Variants in NRG2 observed in about 807,000 individuals in gnomAD.
NRG2 encodes the protein neuregulin 2, also known as pro-neuregulin-2, membrane-bound isoform.
Under a neutral mutation model 73.9 loss-of-function variants are expected in NRG2, and 27 were observed. That is an observed-to-expected ratio of 0.37 (90% confidence interval 0.27 to 0.50). NRG2 has a LOEUF of 0.50. Ranked by LOEUF, NRG2 falls within the 20% of genes least tolerant of loss-of-function variation. The probability of loss-of-function intolerance (pLI) is 0.96; values close to 1 mark genes in which losing one functional copy is unlikely to be tolerated. For missense variants in NRG2, 1,126 were observed against 1,210.1 expected (o/e 0.93, Z 1.03); for synonymous variants, 532 against 541.0 (o/e 0.98, Z 0.23).
intron 1 of NRG2, among the ~76,000 whole-genome samples, chr5:140,003,768 T>G (rs1758681549): frequency 6.6e-6 from 1 of 152,228 alleles, no homozygotes; most frequent in African/African-American, 2.4e-5. Context: ...CTGGATGCCA[T>G]CTGTAGTCTT....
intron 1 of NRG2, among the ~76,000 whole-genome samples, chr5:139,968,788 A>G (rs780140474): frequency 6.6e-6 from 1 of 152,252 alleles, no homozygotes; most frequent in Non-Finnish European, 1.5e-5. Context: ...TCACCCGCAC[A>G]GGGCAGCAGA....
Position 139,846,903 on chromosome 5 carries a change from A to T in NRG2, c.*1014T>A, listed in dbSNP as rs1761035878. ...TTTGGGATTTTTTTTTTTTTTAAACAATTACCTTTTTGACAAATTAGCAGT... is the reference window on the plus strand; with the variant it reads ...TTTGGGATTTTTTTTTTTTTTAAACTATTACCTTTTTGACAAATTAGCAGT... On this transcript the variant is annotated 3_prime_UTR_variant, in exon 10 of 10. Transcript: ENST00000361474. 1 of 151,556 alleles carries T rather than the reference A, an allele frequency of 6.6e-6. No individual in the cohort carries two copies. The highest frequency in any genetic ancestry group is 2.4e-5 in the African/African-American group (1 of 41,222). 9.4% of individuals were successfully genotyped at this position (151,556 alleles called of 1,614,324 possible).
At chr5:139,857,024 C>T (rs1362071707) in intron 5 of NRG2, among the ~76,000 whole-genome samples, 1 of 152,180 alleles carries the variant, frequency 6.6e-6, no homozygotes, top group Admixed American at 6.5e-5. Context: ...CTCCATCACT[C>T]CTCTGAGACT....
intron 1 of NRG2, among the ~76,000 whole-genome samples, chr5:139,975,731 ATAGT>A (rs756388392): frequency 2.6e-5 from 4 of 152,180 alleles, no homozygotes; most frequent in African/African-American, 4.8e-5. Context: ...AGTGAAGGAA[ATAGT>A]TGGTGAAGCT....
chr5:140,043,273 C>T lies in NRG2; in HGVS notation c.-204G>A. On this transcript the variant is annotated 5_prime_UTR_variant, in exon 1 of 10. Transcript: ENST00000361474. The surrounding 1 kb of genome is among the most constrained non-coding windows in gnomAD (Gnocchi z 6.7). ...GCGCGGCGCAGCGCAGCGCTCCCAC[C>T]CTGTGCGCCAGGACCTGGAGGAGGA... The T allele has an allele frequency of 1.7e-6, 1 of 573,278 alleles. No homozygotes were observed. 35.5% of individuals were successfully genotyped at this position (573,278 alleles called of 1,614,324 possible).
Position 139,869,965 on chromosome 5 carries a change from C to G in NRG2, c.1112+1756G>C, listed in dbSNP as rs145039701. ...GGGGCCAGAACCTTCCCTGCCCGGACGAGGGCTGACTTCAGTGACAGTGCT... is the reference window on the plus strand; with the variant it reads ...GGGGCCAGAACCTTCCCTGCCCGGAGGAGGGCTGACTTCAGTGACAGTGCT... On this transcript the variant is annotated intron_variant, in intron 4 of 9. Coordinates refer to ENST00000361474, the MANE Select transcript of NRG2 (RefSeq NM_004883.3). The surrounding 1 kb of genome is among the most constrained non-coding windows in gnomAD (Gnocchi z 4.5). Among the ~76,000 whole-genome samples, 8 of 152,328 alleles carry G rather than the reference C, an allele frequency of 5.3e-5. No individual in the cohort carries two copies. In the South Asian group the frequency reaches 1.7e-3, roughly 32 times the overall value.
chr5:139,861,981 C>T (rs1291060603), intron 5 of NRG2, among the ~76,000 whole-genome samples: 1 of 152,162 alleles, frequency 6.6e-6, no homozygotes, highest in Non-Finnish European at 1.5e-5. Flanking sequence ...GCAGCTGGGG[C>T]CCAGTGATGC....
rs1254384909 is a variant in NRG2, at chr5:139,847,761, G to C, written c.*156C>G. On this transcript the variant is annotated 3_prime_UTR_variant, in exon 10 of 10. Transcript: ENST00000361474. ...TAGCTAGTATTATAAGACAATTTTTGCTAAAATGAAAATAAAACATTTTGT... is the reference window on the plus strand; with the variant it reads ...TAGCTAGTATTATAAGACAATTTTTCCTAAAATGAAAATAAAACATTTTGT... 10 of 530,186 alleles carry C rather than the reference G, an allele frequency of 1.9e-5. No homozygotes were observed. The highest frequency in any genetic ancestry group is 2.9e-5 in the Non-Finnish European group (10 of 347,528). 32.8% of individuals were successfully genotyped at this position (530,186 alleles called of 1,614,324 possible).
intron 1 of NRG2, among the ~76,000 whole-genome samples, chr5:139,964,133 T>A (rs1030483703): frequency 3.3e-5 from 5 of 152,176 alleles, no homozygotes; most frequent in Non-Finnish European, 7.4e-5. Context: ...AAAACCTTTT[T>A]AGGGTCTTCT....
chr5:139,918,928 C>A (rs950256610), intron 1 of NRG2, among the ~76,000 whole-genome samples: 2 of 152,036 alleles, frequency 1.3e-5, no homozygotes, highest in African/African-American at 4.8e-5. Context: ...CAGGAGGGAG[C>A]AAAACAGTCG....
intron 1 of NRG2, among the ~76,000 whole-genome samples, chr5:139,953,487 C>A (rs1048047743): frequency 6.6e-6 from 1 of 152,134 alleles, no homozygotes; most frequent in Non-Finnish European, 1.5e-5. Flanking sequence ...TCCTCCAACC[C>A]CTTCCCACCG....
chr5:140,043,022 C>G lies in NRG2; in HGVS notation c.48G>C (p.Lys16Asn). Residue 16 changes from lysine to asparagine, a missense_variant, in exon 1 of 10, where the codon AAG (lysine) becomes AAC (asparagine). Coordinates refer to ENST00000361474, the MANE Select transcript of NRG2 (RefSeq NM_004883.3). This position sits in a 1 kb window ranked among gnomAD's most constrained non-coding sequence, Gnocchi z 6.7. ...CSALPPPPLE[K>N]GRCSSYSDSS... ...TGTCGCTGTAGCTGCTGCACCGACC[C>G]TTCTCCAGTGGCGGCGGCGGCAGCG... is the stretch of plus-strand genomic sequence containing the variant. 1 of 1,576,350 alleles carries G rather than the reference C, an allele frequency of 6.3e-7. No individual in the cohort carries two copies. The highest frequency in any genetic ancestry group is 8.6e-7 in the Non-Finnish European group (1 of 1,167,516).
intron 5 of NRG2, among the ~76,000 whole-genome samples, chr5:139,862,281 G>C (rs181790390): frequency 5.3e-4 from 81 of 152,326 alleles, no homozygotes; most frequent in Non-Finnish European, 8.5e-4. Context: ...GTACTGTTTA[G>C]AGTGGTGGCT....
intron 1 of NRG2, among the ~76,000 whole-genome samples, chr5:139,928,969 C>T (rs935308002): frequency 6.6e-6 from 1 of 152,202 alleles, no homozygotes; most frequent in Non-Finnish European, 1.5e-5. Context: ...AGCAAGCCTT[C>T]CAGCATCTCC....
At chr5:140,020,450 ATAAAC>A (rs1393095223) in intron 1 of NRG2, among the ~76,000 whole-genome samples, 1 of 152,226 alleles carries the variant, frequency 6.6e-6, no homozygotes, top group Non-Finnish European at 1.5e-5. Context: ...CCAGCATAAC[ATAAAC>A]TGTTAACCAA....
At chr5:140,019,967 T>A (rs1313750843) in intron 1 of NRG2, among the ~76,000 whole-genome samples, 1 of 152,184 alleles carries the variant, frequency 6.6e-6, no homozygotes, top group African/African-American at 2.4e-5. Context: ...TTGGCCAGGC[T>A]GGTCTCAAAC....
chr5:139,973,809 T>C (rs1454619681), intron 1 of NRG2, among the ~76,000 whole-genome samples: 1 of 152,148 alleles, frequency 6.6e-6, no homozygotes, highest in African/African-American at 2.4e-5. Context: ...ACAGCTGTCG[T>C]GATTGCCCTC....
intron 1 of NRG2, among the ~76,000 whole-genome samples, chr5:139,897,660 T>C (rs767487069): frequency 1.7e-4 from 26 of 152,300 alleles, no homozygotes; most frequent in Non-Finnish European, 3.1e-4. Flanking sequence ...GGACTGTGAC[T>C]GATGGGTGCC....
intron 1 of NRG2, among the ~76,000 whole-genome samples, chr5:139,916,030 C>T (rs1174122790): frequency 1.3e-5 from 2 of 152,146 alleles, no homozygotes; most frequent in African/African-American, 4.8e-5. Context: ...GAAGGTGACC[C>T]AACCCAAACT....
Sources: gnomAD v4.1 joint callset for allele counts (sites outside exome capture counted in the v4.1 genomes callset) on GRCh38, gnomAD v4.1.1 for gene constraint, Gnocchi (gnomAD v3.1) non-coding constraint, MANE v1.5 for transcripts, NCBI Gene and HGNC (gene_info 2026-07-23, HGNC 2026-07-21) for gene names.